Variants in CNTNAP3B observed in about 807,000 individuals in gnomAD.
The protein encoded by CNTNAP3B is contactin associated protein family member 3B.
Under a neutral mutation model 108.9 loss-of-function variants are expected in CNTNAP3B, and 25 were observed. The observed-to-expected ratio is 0.23, with a 90% CI of 0.17 to 0.32. The LOEUF (loss-of-function observed/expected upper bound fraction) is 0.32, where lower values mean the gene tolerates loss of function less well. Ranked by LOEUF, CNTNAP3B falls within the 10% of genes least tolerant of loss-of-function variation. The pLI, the probability that CNTNAP3B is intolerant of heterozygous loss-of-function variation, is 1.00. For missense variants in CNTNAP3B, 252 were observed against 1,210.4 expected (o/e 0.21, Z 11.75); for synonymous variants, 103 against 473.4 (o/e 0.22, Z 10.16).
chr9:41,924,488 G>T (rs1333330639), intron 15 of CNTNAP3B, among the ~76,000 whole-genome samples: 1 of 152,296 alleles, frequency 6.6e-6, no homozygotes, highest in Non-Finnish European at 1.5e-5. Flanking sequence ...GGTCTAACTG[G>T]GAAGGGAAAT....
chr9:41,951,207 T>C (rs1474056286), intron 13 of CNTNAP3B, among the ~76,000 whole-genome samples: 3 of 147,444 alleles, frequency 2.0e-5, no homozygotes, highest in African/African-American at 7.6e-5. Flanking sequence ...CTGTTACTTC[T>C]CACAAGTGTA....
At chr9:41,939,661 C>G (rs1393965361) in intron 13 of CNTNAP3B, among the ~76,000 whole-genome samples, 1 of 152,292 alleles carries the variant, frequency 6.6e-6, no homozygotes, top group Non-Finnish European at 1.5e-5. Flanking sequence ...AAGTTACCGA[C>G]TTCACCATTA....
chr9:41,972,572 C>T (rs1202994410), intron 9 of CNTNAP3B, among the ~76,000 whole-genome samples: 3 of 138,602 alleles, frequency 2.2e-5, no homozygotes, highest in Non-Finnish European at 4.6e-5. Flanking sequence ...AAGTAAAAGC[C>T]TCCCTCATAT....
At chr9:41,932,664 C>T (rs1428891218) in intron 14 of CNTNAP3B, among the ~76,000 whole-genome samples, 71 of 152,216 alleles carry the variant, frequency 4.7e-4, no homozygotes, top group Non-Finnish European at 8.5e-4. Flanking sequence ...GGATTACATG[C>T]GTGCGCCACT....
At chr9:41,969,987 G>T in intron 10 of CNTNAP3B, 87 bp downstream of exon 10, 1 of 1,304,634 alleles carries the variant, frequency 7.7e-7, no homozygotes, top group Non-Finnish European at 1.0e-6. Context: ...ACGAAAAAGA[G>T]AACGGAATGC....
At chr9:41,951,335 A>G (rs1313262854) in intron 13 of CNTNAP3B, among the ~76,000 whole-genome samples, 1 of 112,682 alleles carries the variant, frequency 8.9e-6, no homozygotes, top group African/African-American at 3.3e-5. Flanking sequence ...TTTAGCCCCT[A>G]GCCCAGTAGT....
At chr9:42,095,948 TC>T (rs1827889427) in intron 2 of CNTNAP3B, among the ~76,000 whole-genome samples, 1 of 138,582 alleles carries the variant, frequency 7.2e-6, no homozygotes, top group Non-Finnish European at 1.5e-5. Flanking sequence ...AGTCCTCCCA[TC>T]CCAGGCTGGG....
intron 14 of CNTNAP3B, among the ~76,000 whole-genome samples, chr9:41,936,686 CT>C (rs1187351447): frequency 6.6e-6 from 1 of 152,268 alleles, no homozygotes; most frequent in Non-Finnish European, 1.5e-5. Flanking sequence ...CTGAAACTTA[CT>C]GGTGGCCAGA....
chr9:42,044,419 C>T (rs1182534348), intron 3 of CNTNAP3B, among the ~76,000 whole-genome samples: 1 of 147,036 alleles, frequency 6.8e-6, no homozygotes, highest in Non-Finnish European at 1.5e-5. Flanking sequence ...CATCAAAATA[C>T]TCATTGTTTT....
intron 3 of CNTNAP3B, among the ~76,000 whole-genome samples, chr9:42,061,444 A>G (rs62553640): frequency 0.15 from 19,197 of 130,548 alleles, 1,855 homozygotes; most frequent in Middle Eastern, 0.3. Flanking sequence ...CAGCCTCCCG[A>G]GTAGCTGGGA....
chr9:41,923,470 A>T (rs1315243716), intron 16 of CNTNAP3B, among the ~76,000 whole-genome samples: 1 of 152,200 alleles, frequency 6.6e-6, no homozygotes, highest in African/African-American at 2.4e-5. Context: ...TTCTCTTAAA[A>T]ATGATTACTG....
At chr9:41,940,112 G>C (rs1347279185) in intron 13 of CNTNAP3B, among the ~76,000 whole-genome samples, 3 of 152,292 alleles carry the variant, frequency 2.0e-5, no homozygotes, top group African/African-American at 7.2e-5. Flanking sequence ...AAAAAGAACT[G>C]AGCCATAGGG....
intron 17 of CNTNAP3B, among the ~76,000 whole-genome samples, chr9:41,920,633 A>G (rs984074335): frequency 1.9e-4 from 29 of 152,296 alleles, no homozygotes; most frequent in African/African-American, 7.0e-4. Context: ...AAACCACATC[A>G]AACACTATTT....
At chr9:41,950,852 C>G (rs933331008) in intron 13 of CNTNAP3B, among the ~76,000 whole-genome samples, 1 of 147,072 alleles carries the variant, frequency 6.8e-6, no homozygotes, top group Non-Finnish European at 1.5e-5. Context: ...GCTCCACCTC[C>G]CGGGTTCACG....
intron 13 of CNTNAP3B, among the ~76,000 whole-genome samples, chr9:41,944,773 T>A (rs1193261770): frequency 3.3e-5 from 5 of 152,276 alleles, no homozygotes; most frequent in Non-Finnish European, 5.9e-5. Context: ...ACAAATGGGA[T>A]CTAATTAAAC....
At chr9:42,038,555 G>A (rs1194789753) in intron 3 of CNTNAP3B, among the ~76,000 whole-genome samples, 4 of 122,750 alleles carry the variant, frequency 3.3e-5, no homozygotes, top group Non-Finnish European at 5.1e-5. Flanking sequence ...AACGGTAAAG[G>A]GACCAATTCA....
intron 10 of CNTNAP3B, 114 bp from the exon 11 acceptor site, chr9:41,964,758 A>T (rs1207174742): frequency 7.3e-7 from 1 of 1,368,898 alleles, no homozygotes; most frequent in African/African-American, 1.5e-5. Flanking sequence ...ACCCCACATG[A>T]CGTGATTACT....
chr9:41,930,763 AG>A (rs1381800962), intron 14 of CNTNAP3B, among the ~76,000 whole-genome samples: 2 of 152,212 alleles, frequency 1.3e-5, no homozygotes, highest in Non-Finnish European at 2.9e-5. Context: ...AGGATCCCCT[AG>A]GGGAACCTGG....
At chr9:42,096,334 AG>A (rs1827899981) in intron 2 of CNTNAP3B, among the ~76,000 whole-genome samples, 1 of 140,182 alleles carries the variant, frequency 7.1e-6, no homozygotes, top group African/African-American at 2.8e-5. Context: ...AGTCCTGCTG[AG>A]GGTTCCTAGT....
Sources: gnomAD v4.1 joint callset for allele counts (sites outside exome capture counted in the v4.1 genomes callset) on GRCh38, gnomAD v4.1.1 for gene constraint, MANE v1.5 for transcripts, NCBI Gene and HGNC (gene_info 2026-07-23, HGNC 2026-07-21) for gene names.